EIF2AK4: variants seen among roughly 807,000 people sequenced by gnomAD.
The protein encoded by EIF2AK4 is eukaryotic translation initiation factor 2 alpha kinase 4.
EIF2AK4 carries 139 observed loss-of-function variants against 211.1 expected under a neutral mutation model. The ratio of observed to expected loss-of-function variants is 0.66; its 90% confidence interval spans 0.57 to 0.76. The LOEUF is 0.76. Among genes scored for constraint, EIF2AK4 ranks in the 30% least tolerant of loss-of-function variants. The probability of loss-of-function intolerance (pLI) is 0.00; values close to 1 mark genes in which losing one functional copy is unlikely to be tolerated. For missense variants in EIF2AK4, 1,664 were observed against 2,043.8 expected, an observed-to-expected ratio of 0.81 and a Z score of 3.58; for synonymous variants, 710 against 751.3, an observed-to-expected ratio of 0.94 and a Z score of 0.90.
At chr15:39,979,655 T>G (rs1283981941) in intron 13 of EIF2AK4, among the ~76,000 whole-genome samples, 2 of 152,218 alleles carry the variant, frequency 1.3e-5, no homozygotes, top group Non-Finnish European at 2.9e-5. Flanking sequence ...AGAAAATGTC[T>G]TTTTGCCCAC....
In EIF2AK4 at chr15:40,008,155, A is replaced by G. The variant is rs761880955; in HGVS notation, c.3536A>G (p.Tyr1179Cys). The G allele has an allele frequency of 3.7e-6, 6 of 1,612,112 alleles. No homozygotes were observed. The highest frequency in any genetic ancestry group is 1.7e-4 in the Middle Eastern group (1 of 6,056). ...TTTCTGCCCACTGCTGAAATTATCT[A>G]CACTATCTATGAAATCATCCAAGAG... The part of the protein sequence containing the change: ...NSFLPTAEII[Y>C]TIYEIIQEFP... The change falls in exon 25 of 39, where the codon TAC (tyrosine) becomes TGC (cysteine). Residue 1179 changes from tyrosine to cysteine, a missense_variant. Physicochemically the swap from Tyr to Cys is radical, Grantham distance 194. Around this residue, in one of 7 missense-constraint regions of EIF2AK4, gnomAD observed 622 missense variants for 796.8 expected, o/e 0.78. Transcript: ENST00000263791.
chr15:39,992,699 T>G, intron 17 of EIF2AK4, 70 bp from the exon 18 acceptor site: 2 of 1,390,304 alleles, frequency 1.4e-6, no homozygotes, highest in Non-Finnish European at 2.0e-6. Flanking sequence ...GAAACCTTTT[T>G]TTGTTTTTAG....
At chr15:40,008,381 C>G (rs757141065) in intron 25 of EIF2AK4, among the ~76,000 whole-genome samples, 186 bp downstream of exon 25, 29 of 152,218 alleles carry the variant, frequency 1.9e-4, no homozygotes, top group Non-Finnish European at 3.7e-4. Flanking sequence ...CTTACCTTCA[C>G]AGGAACTGGT....
chr15:39,997,710 A>AT (rs1211385445), intron 19 of EIF2AK4, among the ~76,000 whole-genome samples: 1 of 152,172 alleles, frequency 6.6e-6, no homozygotes, highest in Admixed American at 6.5e-5. Context: ...TCCCAATGAA[A>AT]TTTCCATTTG....
chr15:40,029,748 T>C (rs377653006), intron 34 of EIF2AK4, among the ~76,000 whole-genome samples: 3 of 152,330 alleles, frequency 2.0e-5, no homozygotes, highest in East Asian at 1.9e-4. Context: ...GTGTATAATT[T>C]TCCTGGAGAT....
intron 21 of EIF2AK4, among the ~76,000 whole-genome samples, chr15:40,001,633 CAAA>C (rs11383908): frequency 5.0e-5 from 6 of 120,350 alleles, no homozygotes; most frequent in Non-Finnish European, 3.3e-5. Context: ...GACCCCAACT[CAAA>C]AAAAAAAAAA....
At chr15:39,997,164 T>C (rs967998669) in intron 19 of EIF2AK4, 99 bp downstream of exon 19, 3 of 856,888 alleles carry the variant, frequency 3.5e-6, no homozygotes, top group African/African-American at 3.4e-5. Context: ...ATTTATAATA[T>C]AGAAGAGGCT....
At chr15:40,034,022 C>G (rs1051760766) in intron 37 of EIF2AK4, among the ~76,000 whole-genome samples, 3 of 148,500 alleles carry the variant, frequency 2.0e-5, no homozygotes, top group Admixed American at 2.0e-4. Context: ...GACCGAAACT[C>G]CATCTCAAAA....
intron 10 of EIF2AK4, 38 bp downstream of exon 10, chr15:39,973,052 G>A: frequency 6.4e-7 from 1 of 1,555,430 alleles, no homozygotes; most frequent in Non-Finnish European, 8.9e-7. Context: ...TAACCTGTTT[G>A]ACATTAAATT....
intron 9 of EIF2AK4, among the ~76,000 whole-genome samples, chr15:39,970,318 T>C (rs1394198240): frequency 6.6e-6 from 1 of 152,248 alleles, no homozygotes; most frequent in Non-Finnish European, 1.5e-5. Flanking sequence ...CTAGGTAGGC[T>C]GTAACATTTT....
intron 27 of EIF2AK4, among the ~76,000 whole-genome samples, chr15:40,012,092 A>G (rs1479901538): frequency 1.3e-5 from 2 of 152,162 alleles, no homozygotes; most frequent in African/African-American, 4.8e-5. Flanking sequence ...GATCAGCAAA[A>G]TTCACATATG....
chr15:39,951,052 C>T (rs544726535), intron 4 of EIF2AK4, among the ~76,000 whole-genome samples: 1 of 152,220 alleles, frequency 6.6e-6, no homozygotes, highest in Non-Finnish European at 1.5e-5. Context: ...TCTTTTTCCA[C>T]TCACAGTCAT....
Position 40,017,304 on chromosome 15 carries a change from T to C in EIF2AK4, c.4065+62T>C. 4 of 1,518,588 alleles carry C rather than the reference T, an allele frequency of 2.6e-6. No homozygotes were observed. In the South Asian group the frequency reaches 3.8e-5, roughly 15 times the overall value. The allele number at this position is 1,518,588 out of a possible 1,614,324, so 94.1% of individuals were successfully genotyped here. A position where few individuals can be genotyped will look rare whatever the true frequency, so the allele number is the denominator to read the frequency against. ...ATTTTATTTCTTCTAAACTTGTTAT[T>C]TTGAAATTTTCAAACTAACACCAAA... On this transcript the variant is annotated intron_variant, in intron 29 of 38. Transcript: ENST00000263791.
intron 14 of EIF2AK4, 37 bp from the exon 15 acceptor site, chr15:39,987,946 T>C (rs750743768): frequency 1.2e-6 from 2 of 1,609,852 alleles, no homozygotes; most frequent in Non-Finnish European, 8.5e-7. Context: ...CTTAAAACTG[T>C]TGTGTAATCA....
intron 15 of EIF2AK4, 139 bp downstream of exon 15, chr15:39,988,244 G>A (rs1004079543): frequency 1.8e-5 from 16 of 901,632 alleles, no homozygotes; most frequent in Admixed American, 2.7e-5. Flanking sequence ...TATTTTTGTA[G>A]GAAATAGAAC....
At chr15:39,969,510 G>A (rs1349374815) in intron 9 of EIF2AK4, among the ~76,000 whole-genome samples, 1 of 151,790 alleles carries the variant, frequency 6.6e-6, no homozygotes, top group Non-Finnish European at 1.5e-5. Context: ...ACAGGCGCCC[G>A]CTACTACACC....
chr15:40,007,281 G>A (rs1010834621), intron 24 of EIF2AK4, among the ~76,000 whole-genome samples: 1 of 152,162 alleles, frequency 6.6e-6, no homozygotes, highest in Non-Finnish European at 1.5e-5. Flanking sequence ...GGTAGGTACC[G>A]TCATGTTCCC....
chr15:40,005,414 T>A (rs1184028142), intron 23 of EIF2AK4, among the ~76,000 whole-genome samples: 1 of 151,626 alleles, frequency 6.6e-6, no homozygotes, highest in East Asian at 2.0e-4. Context: ...GGAGAATCAC[T>A]TGAACCCGGG....
intron 1 of EIF2AK4, among the ~76,000 whole-genome samples, chr15:39,937,607 G>GT (rs891426687): frequency 2.0e-5 from 3 of 151,534 alleles, no homozygotes; most frequent in African/African-American, 7.3e-5. Context: ...GTCCCTGTGG[G>GT]TTTTTTTTCC....
Sources: allele counts gnomAD v4.1 joint callset (sites outside exome capture counted in the v4.1 genomes callset), GRCh38; gene constraint gnomAD v4.1.1; regional missense constraint gnomAD v4.1.1; transcripts MANE v1.5; gene names NCBI Gene and HGNC (gene_info 2026-07-23, HGNC 2026-07-21).